SOCS5: variants seen among roughly 807,000 people sequenced by gnomAD.
SOCS5 encodes CIS-6.
In SOCS5, 32 loss-of-function variants were observed where a neutral mutation model predicts 42.8. The ratio of observed to expected loss-of-function variants is 0.75; its 90% confidence interval spans 0.56 to 1.01. SOCS5 has a LOEUF of 1.01. Among genes scored for constraint, SOCS5 ranks in the 50% least tolerant of loss-of-function variants. SOCS5 has a pLI of 0.00. For missense variants in SOCS5, 627 were observed against 653.0 expected (o/e 0.96, Z 0.43); for synonymous variants, 283 against 229.6 (o/e 1.23, Z -2.10).
intron 1 of SOCS5, among the ~76,000 whole-genome samples, chr2:46,750,338 G>A (rs895599848): frequency 6.6e-6 from 1 of 152,110 alleles, no homozygotes; most frequent in African/African-American, 2.4e-5. Flanking sequence ...AACTGGAAAT[G>A]TAAAATTAAA....
intron 1 of SOCS5, among the ~76,000 whole-genome samples, chr2:46,719,674 G>A (rs750320477): frequency 6.6e-6 from 1 of 152,162 alleles, no homozygotes; most frequent in Non-Finnish European, 1.5e-5. Flanking sequence ...TCACTGTAGT[G>A]ACTCAGCTCC....
intron 1 of SOCS5, among the ~76,000 whole-genome samples, chr2:46,733,643 C>G (rs1054901287): frequency 2.1e-5 from 3 of 146,248 alleles, no homozygotes; most frequent in East Asian, 2.0e-4. Context: ...AAGTAAAATT[C>G]AAGGTTAAAA....
At chr2:46,708,866 C>T (rs1225308670) in intron 1 of SOCS5, among the ~76,000 whole-genome samples, 1 of 143,782 alleles carries the variant, frequency 7.0e-6, no homozygotes, top group African/African-American at 2.6e-5. Flanking sequence ...TGAACAGATA[C>T]TGAATCCTGA....
chr2:46,757,633 G>A (rs780844262), intron 1 of SOCS5, among the ~76,000 whole-genome samples: 23 of 152,198 alleles, frequency 1.5e-4, no homozygotes, highest in East Asian at 3.9e-4. Flanking sequence ...TTGGGAGGCC[G>A]AGGCCAGTGG....
chr2:46,754,920 C>A (rs530900502), intron 1 of SOCS5, among the ~76,000 whole-genome samples: 64 of 152,278 alleles, frequency 4.2e-4, no homozygotes, highest in African/African-American at 1.4e-3. Flanking sequence ...AACGTATTAT[C>A]TTTTTCTAAA....
intron 1 of SOCS5, among the ~76,000 whole-genome samples, chr2:46,728,392 T>G (rs1314706059): frequency 6.6e-6 from 1 of 152,204 alleles, no homozygotes; most frequent in African/African-American, 2.4e-5. Context: ...CATTTATTCA[T>G]AAGCCAGCAC....
chr2:46,749,451 ATGT>A (rs2103753262), intron 1 of SOCS5, among the ~76,000 whole-genome samples: 1 of 152,298 alleles, frequency 6.6e-6, no homozygotes, highest in South Asian at 2.1e-4. Flanking sequence ...TCTAAGGCTT[ATGT>A]TGTTTGTGTT....
chr2:46,727,518 G>A (rs566854703), intron 1 of SOCS5, among the ~76,000 whole-genome samples: 1 of 152,282 alleles, frequency 6.6e-6, no homozygotes, highest in South Asian at 2.1e-4. Context: ...AGTTGAGTCT[G>A]TTGGGTTCAA....
At position 46,727,171 on chromosome 2, in the gene SOCS5, C is replaced by T. The variant is rs1241619080; in HGVS notation, c.-13+27722C>T. ...TTTTTTTTTTTTTTTTTTTTTGAAA[C>T]GGAGTCTTGCTCTGTAGCCCAGGCT... On this transcript the variant is annotated intron_variant, in intron 1 of 1. Transcript: ENST00000394861. Among the ~76,000 whole-genome samples, 12 of 75,234 alleles carry T rather than the reference C, an allele frequency of 1.6e-4. No individual in the cohort carries two copies. In the Admixed American group the frequency reaches 1.8e-3, roughly 12 times the overall value. 49.4% of individuals were successfully genotyped at this position (75,234 alleles called of 152,430 possible).
chr2:46,704,874 C>G (rs1672426253), intron 1 of SOCS5, among the ~76,000 whole-genome samples: 2 of 152,110 alleles, frequency 1.3e-5, no homozygotes, highest in Admixed American at 6.5e-5. Flanking sequence ...GGTGTTGATA[C>G]TCCAGGGAAA....
chr2:46,743,206 A>G (rs1333389323), intron 1 of SOCS5, among the ~76,000 whole-genome samples: 3 of 152,122 alleles, frequency 2.0e-5, no homozygotes, highest in African/African-American at 7.2e-5. Context: ...GACCCCCAAG[A>G]GAAAGTTCTT....
intron 1 of SOCS5, among the ~76,000 whole-genome samples, chr2:46,753,769 A>G (rs1016517617): frequency 1.3e-5 from 2 of 152,146 alleles, no homozygotes; most frequent in Non-Finnish European, 2.9e-5. Flanking sequence ...GGGGTGGGCA[A>G]TTCCTGGAAC....
chr2:46,702,378 T>G (rs1672364511), intron 1 of SOCS5, among the ~76,000 whole-genome samples: 1 of 152,234 alleles, frequency 6.6e-6, no homozygotes, highest in South Asian at 2.1e-4. Flanking sequence ...ACCTTGGACC[T>G]TTAATTAGGT....
upstream of SOCS5, chr2:46,699,209 G>T (rs944097342): frequency 6.6e-6 from 1 of 152,640 alleles, no homozygotes; most frequent in Non-Finnish European, 1.5e-5. The surrounding 1 kb of genome is among the most constrained non-coding windows in gnomAD (Gnocchi z 4.8). Context: ...GAGGGGGGAG[G>T]GGAAACGGGT....
rs748586198 is a variant in SOCS5 at position 46,758,763 on chromosome 2, G to T, written c.233G>T (p.Arg78Ile). 10 of 1,614,200 alleles carry T rather than the reference G, an allele frequency of 6.2e-6. No individual in the cohort carries two copies. In the South Asian group the frequency reaches 1.1e-4, roughly 18 times the overall value. Residue 78 changes from arginine (R) to isoleucine (I), a missense_variant, in exon 2 of 2, where the codon AGA becomes ATA. Arg to Ile is a moderately conservative substitution (Grantham distance 97, BLOSUM62 -3). This residue lies in a region of SOCS5 where 278 missense variants were observed against 246.3 expected (regional missense o/e 1.13). Coordinates refer to ENST00000394861, the MANE Select transcript of SOCS5 (RefSeq NM_144949.3). ...AGCCCTTCGAAGAATTCTTCAAGGA[G>T]AAATCAAAATTGTGCCACAGAAATC... ...GLSPSKNSSRRNQNCATEIPQ... is the reference protein window; with the variant it reads ...GLSPSKNSSRINQNCATEIPQ...
At chr2:46,748,808 G>A (rs77888307) in intron 1 of SOCS5, among the ~76,000 whole-genome samples, 10,212 of 152,208 alleles carry the variant, frequency 0.067, 376 homozygotes, top group Middle Eastern at 0.13. Flanking sequence ...GGGTTATAAA[G>A]TGGTTATCCT....
chr2:46,734,553 A>G (rs1673201239), intron 1 of SOCS5, among the ~76,000 whole-genome samples: 1 of 152,240 alleles, frequency 6.6e-6, no homozygotes, highest in Admixed American at 6.5e-5. Flanking sequence ...ACCGAAGTAT[A>G]CATTTATCCA....
At chr2:46,751,911 A>G (rs1010575288) in intron 1 of SOCS5, among the ~76,000 whole-genome samples, 4 of 152,238 alleles carry the variant, frequency 2.6e-5, no homozygotes, top group African/African-American at 9.6e-5. Context: ...CAGAAGAATA[A>G]TATTTTGTGA....
intron 1 of SOCS5, among the ~76,000 whole-genome samples, chr2:46,702,501 C>T (rs1165657576): frequency 2.0e-5 from 3 of 152,236 alleles, no homozygotes; most frequent in South Asian, 4.1e-4. Flanking sequence ...TGCAGATATT[C>T]CAGTGAAAAT....
Sources: allele counts gnomAD v4.1 joint callset (sites outside exome capture counted in the v4.1 genomes callset), GRCh38; gene constraint gnomAD v4.1.1; regional missense constraint gnomAD v4.1.1; non-coding constraint Gnocchi (gnomAD v3.1); transcripts MANE v1.5; gene names NCBI Gene and HGNC (gene_info 2026-07-23, HGNC 2026-07-21).